PIGR: variants seen among roughly 807,000 people sequenced by gnomAD.
PIGR encodes hepatocellular carcinoma associated protein TB6.
In PIGR, 22 loss-of-function variants were observed where a neutral mutation model predicts 69.5. The observed-to-expected ratio is 0.32, with a 90% CI of 0.23 to 0.45. The LOEUF (loss-of-function observed/expected upper bound fraction) is 0.45. Ranked by LOEUF, PIGR falls within the 20% of genes least tolerant of loss-of-function variation. PIGR has a pLI of 1.00. For synonymous variants in PIGR, 413 were observed against 407.6 expected (o/e 1.01, Z -0.16); for missense variants, 885 against 974.0 (o/e 0.91, Z 1.22).
Position 206,930,394 on chromosome 1 carries a change from T to G in PIGR, c.2219A>C (p.Glu740Ala), listed in dbSNP as rs1679712978. The G allele has an allele frequency of 6.2e-7, 1 of 1,613,020 alleles. No individual in the cohort carries two copies. ...GAGCAGGAAGTCTTTGTAGGCCATCTCGGCTTCCTCCTTGGATGACTAAGG... is the reference window on the plus strand; with the variant it reads ...GAGCAGGAAGTCTTTGTAGGCCATCGCGGCTTCCTCCTTGGATGACTAAGG... ...KAKRSSKEEA[E>A]MAYKDFLLQS... Residue 740 changes from glutamate to alanine, a missense_variant, in exon 11 of 11, where the codon GAG (glutamate) becomes GCG (alanine). Transcript: ENST00000356495. This position sits in a 1 kb window ranked among gnomAD's most constrained non-coding sequence, Gnocchi z 4.3.
chr1:206,940,081 G>A (rs1679952755), intron 2 of PIGR, among the ~76,000 whole-genome samples: 1 of 152,164 alleles, frequency 6.6e-6, no homozygotes, highest in Non-Finnish European at 1.5e-5. Context: ...CACTTGCCAT[G>A]TGTTATTTCC....
chr1:206,932,606 C>A (rs1332915699), intron 7 of PIGR, 29 bp from the exon 8 acceptor site: 2 of 1,585,736 alleles, frequency 1.3e-6, no homozygotes, highest in Non-Finnish European at 1.7e-6. Flanking sequence ...TAGTTCATCC[C>A]TGGAAGGGAG....
Position 206,932,574 on chromosome 1 carries a change from A to G in PIGR, c.1890T>C (p.Ser630=). ...CTCTGGAGCTTCCACCTTGTTCCTCAGAGCTGGAAGAAGGCTTAAGTTAGT... is the reference window on the plus strand; with the variant it reads ...CTCTGGAGCTTCCACCTTGTTCCTCGGAGCTGGAAGAAGGCTTAAGTTAGT... ...GSRASVDSGS[S]EEQGGSSRAL... The change falls in exon 8 of 11, where the codon TCT becomes TCC. Residue 630 remains serine (S), a synonymous_variant. Coordinates refer to ENST00000356495, the MANE Select transcript of PIGR (RefSeq NM_002644.4). 2 of 1,611,248 alleles carry G rather than the reference A, an allele frequency of 1.2e-6. No individual in the cohort carries two copies. Among genetic ancestry groups the G allele is most frequent in the South Asian group, 2.2e-5 (2 of 90,746 alleles).
intron 5 of PIGR, 32 bp from the exon 6 acceptor site, chr1:206,934,778 A>T: frequency 6.5e-7 from 1 of 1,534,740 alleles, no homozygotes; most frequent in Non-Finnish European, 8.9e-7. Context: ...AAATAAACAC[A>T]GAAGTTGGTA....
chr1:206,932,296 C>T (rs908702), intron 8 of PIGR, among the ~76,000 whole-genome samples, 160 bp downstream of exon 8: 54,407 of 151,986 alleles, frequency 0.36, 10,741 homozygotes, highest in Middle Eastern at 0.52. Flanking sequence ...ATTTCAGTTT[C>T]GAGTATGTGT....
intron 1 of PIGR, 109 bp from the exon 2 acceptor site, chr1:206,940,693 TA>T: frequency 1.6e-6 from 1 of 628,406 alleles, no homozygotes; most frequent in Non-Finnish European, 2.7e-6. Flanking sequence ...GCAACTGACA[TA>T]AATCCTGTTG....
intron 10 of PIGR, 96 bp downstream of exon 10, chr1:206,931,401 G>T: frequency 6.2e-7 from 1 of 1,610,656 alleles, no homozygotes; most frequent in Non-Finnish European, 8.5e-7. Context: ...TTCTGGGATC[G>T]GCCCCCATGT....
At chr1:206,931,028 A>G in intron 10 of PIGR, 5 of 985,394 alleles carry the variant, frequency 5.1e-6, no homozygotes, top group Non-Finnish European at 6.0e-6. Context: ...GGGCTTCAAG[A>G]GAAGTGAGCA....
rs1329002485 is a variant in PIGR, at chr1:206,937,006, C to T, written c.1045+89G>A. ...GTGGATGCTGTTGGCTGATTGATGA[C>T]TATTGATGAATACACTCAGAGGGAG... On this transcript the variant is annotated intron_variant, in intron 4 of 10. Coordinates refer to ENST00000356495, the MANE Select transcript of PIGR (RefSeq NM_002644.4). 15 of 1,224,956 alleles carry T rather than the reference C, an allele frequency of 1.2e-5. No individual in the cohort carries two copies. In the African/African-American group the frequency reaches 2.1e-4, roughly 17 times the overall value. 75.9% of individuals were successfully genotyped at this position (1,224,956 alleles called of 1,614,324 possible). A position where few individuals can be genotyped will look rare whatever the true frequency, so the allele number is the denominator to read the frequency against.
rs1456233111 is a variant in PIGR at position 206,937,708 on chromosome 1, C to T, written c.432G>A (p.Leu144=). 4 of 1,614,058 alleles carry T rather than the reference C, an allele frequency of 2.5e-6. No homozygotes were observed. The Middle Eastern group carries it at 5.0e-4, about 200-fold the overall frequency. Residue 144 remains leucine (L), a synonymous_variant, in exon 4 of 11, where the codon CTG becomes CTA. Transcript: ENST00000356495. Reference sequence around the variant, plus strand: ...GGCAGTTGATGGTCACCGTTCTGCCCAGGTCCACTGTGTAGACTTTAGTGT... The same window carrying T: ...GGCAGTTGATGGTCACCGTTCTGCCTAGGTCCACTGTGTAGACTTTAGTGT... ...LNDTKVYTVD[L]GRTVTINCPF... is the part of the protein sequence containing the mutation.
chr1:206,930,680 T>C lies in PIGR; in HGVS notation c.2200-267A>G. The stretch of plus-strand genomic sequence containing the variant: ...TGGAACCGCCTCTGTTGCCCGGGCC[T>C]GTCCCCGGAAGCTGCCCACACAGTC... On this transcript the variant is annotated intron_variant, in intron 10 of 10. Transcript: ENST00000356495. The surrounding 1 kb of genome is among the most constrained non-coding windows in gnomAD (Gnocchi z 4.3). 1 of 985,378 alleles carries C rather than the reference T, an allele frequency of 1.0e-6. No homozygotes were observed. The allele number at this position is 985,378 out of a possible 1,614,324, so 61.0% of individuals were successfully genotyped here.
intron 7 of PIGR, among the ~76,000 whole-genome samples, chr1:206,932,780 A>T (rs1199503224): frequency 6.6e-6 from 1 of 152,210 alleles, no homozygotes; most frequent in Non-Finnish European, 1.5e-5. Flanking sequence ...TAGGCCTGGA[A>T]GATTGAACTG....
intron 6 of PIGR, among the ~76,000 whole-genome samples, chr1:206,933,736 G>A (rs1194128082): frequency 6.6e-6 from 1 of 152,202 alleles, no homozygotes; most frequent in East Asian, 1.9e-4. Flanking sequence ...TCGAGGGCGA[G>A]CTTTGGCAGG....
chr1:206,934,590 C>T lies in PIGR; in HGVS notation c.1535G>A (p.Gly512Asp). Residue 512 changes from glycine to aspartate, a missense_variant, in exon 6 of 11, where the codon GGC becomes GAC. By Grantham distance (94) the Gly-to-Asp change is moderately conservative. Transcript: ENST00000356495. ...ACAGTTCACGAAGGCCTTGCTGGGG[C>T]CTTCGTCTTGGCTGGGCAGGGCCTG... ...GCQALPSQDE[G>D]PSKAFVNCDE... 3.7e-6 allele frequency: 6 copies of T among 1,614,198 alleles called. No individual in the cohort carries two copies. The South Asian group carries it at 4.4e-5, about 12-fold the overall frequency.
rs1044632963 is a variant in PIGR at position 206,946,418 on chromosome 1, A to T, written c.-136T>A. The T allele has an allele frequency of 6.6e-6, 1 of 152,196 alleles. No individual in the cohort carries two copies. The highest frequency in any genetic ancestry group is 2.4e-5 in the African/African-American group (1 of 41,420). 9.4% of individuals were successfully genotyped at this position (152,196 alleles called of 1,614,324 possible). A position where few individuals can be genotyped will look rare whatever the true frequency, so the allele number is the denominator to read the frequency against. On this transcript the variant is annotated 5_prime_UTR_variant, in exon 1 of 11. Coordinates refer to ENST00000356495, the MANE Select transcript of PIGR (RefSeq NM_002644.4). ...AGTTGGTAACCCCTGCCTCTCTAGG[A>T]GCTACTGGCAGGGCACTGGACGCTG... is the stretch of plus-strand genomic sequence containing the variant.
intron 2 of PIGR, among the ~76,000 whole-genome samples, chr1:206,939,683 G>A (rs916203100): frequency 3.3e-5 from 5 of 152,170 alleles, no homozygotes; most frequent in African/African-American, 1.2e-4. Context: ...CCATTTCAAG[G>A]ACAAGGGAAT....
chr1:206,939,358 T>C lies in PIGR; in HGVS notation c.149A>G (p.His50Arg), dbSNP rs1679936336. The C allele has an allele frequency of 2.5e-6, 4 of 1,614,246 alleles. No individual in the cohort carries two copies. Among genetic ancestry groups the C allele is most frequent in the Non-Finnish European group, 3.4e-6 (4 of 1,180,038 alleles). ...CTGCCGGCACCAGTACTTCCGGGTG[T>C]GCCGGTTGACAGAGGTGGGTGGGTA... Reference protein sequence around the residue: ...CYYPPTSVNRHTRKYWCRQGA... With the variant: ...CYYPPTSVNRRTRKYWCRQGA... Residue 50 changes from histidine (H) to arginine (R), a missense_variant, in exon 3 of 11, where the codon CAC (histidine) becomes CGC (arginine). Transcript: ENST00000356495.
chr1:206,941,396 T>A (rs913577807), intron 1 of PIGR, among the ~76,000 whole-genome samples: 3 of 152,190 alleles, frequency 2.0e-5, no homozygotes, highest in African/African-American at 7.2e-5. Context: ...TACCTTATGC[T>A]TATTTGTGTT....
intron 10 of PIGR, 70 bp downstream of exon 10, chr1:206,931,427 T>C: frequency 6.2e-7 from 1 of 1,613,410 alleles, no homozygotes; most frequent in Non-Finnish European, 8.5e-7. Flanking sequence ...TAGTTCTTTC[T>C]GAAGTCTAAC....
Sources: gnomAD v4.1 joint callset for allele counts (sites outside exome capture counted in the v4.1 genomes callset) on GRCh38, gnomAD v4.1.1 for gene constraint, Gnocchi (gnomAD v3.1) non-coding constraint, MANE v1.5 for transcripts, NCBI Gene and HGNC (gene_info 2026-07-23, HGNC 2026-07-21) for gene names.